The following TPCN1 variants were observed in gnomAD, a reference collection of about 807,000 sequenced individuals.
TPCN1 encodes the protein two pore segment channel 1, also known as two pore channel protein 1.
Under a neutral mutation model 108.8 loss-of-function variants are expected in TPCN1, and 52 were observed. The observed-to-expected ratio is 0.48, with a 90% CI of 0.38 to 0.60. TPCN1 has a LOEUF of 0.60. Among genes scored for constraint, TPCN1 ranks in the 20% least tolerant of loss-of-function variants. TPCN1 has a pLI of 0.00. For synonymous variants in TPCN1, 446 were observed against 433.7 expected (o/e 1.03, Z -0.35); for missense variants, 806 against 1,072.8 (o/e 0.75, Z 3.47).
rs192329797 is a variant in TPCN1 at position 113,273,201 on chromosome 12, C to G, written c.784-31C>G. 1,108 of 1,611,526 alleles carry G rather than the reference C, an allele frequency of 6.9e-4. 7 individuals are homozygous for G. In the East Asian group the frequency reaches 0.022, roughly 31 times the overall value. ...TGATGGCCGTGTGCTCTTGGCTGGT[C>G]CCGACTTCTCTGCCCTCTCTTCCCT... On this transcript the variant is annotated intron_variant, in intron 8 of 27. Transcript: ENST00000335509. The surrounding 1 kb of genome is among the most constrained non-coding windows in gnomAD (Gnocchi z 4.0).
intron 15 of TPCN1, among the ~76,000 whole-genome samples, chr12:113,283,193 A>G (rs1041825982): frequency 1.3e-5 from 2 of 152,252 alleles, no homozygotes; most frequent in African/African-American, 4.8e-5. Flanking sequence ...ACAGTGGGCA[A>G]CTTTTATGTA....
In TPCN1 at chr12:113,287,102, G is replaced by A. The variant is rs181254932; in HGVS notation, c.1634+8G>A. 6.2e-7 allele frequency: 1 copy of A among 1,605,302 alleles called. No individual in the cohort carries two copies. Among genetic ancestry groups the A allele is most frequent in the Non-Finnish European group, 8.5e-7 (1 of 1,172,732 alleles). ...CCCCCTCCAGCTGCTGAGGTGATGG[G>A]CAGGGCAGAGCCGGAGACAGGGAGA... On this transcript the variant is annotated splice_region_variant and intron_variant, in intron 19 of 27. Coordinates refer to ENST00000335509, the MANE Select transcript of TPCN1 (RefSeq NM_017901.6).
intron 2 of TPCN1, among the ~76,000 whole-genome samples, chr12:113,242,067 C>A (rs529574088): frequency 6.6e-6 from 1 of 152,226 alleles, no homozygotes; most frequent in East Asian, 1.9e-4. Context: ...GGGGGGCATG[C>A]TGTAGGGACA....
In TPCN1 at chr12:113,224,541, C is replaced by G. The variant is rs552696470; in HGVS notation, c.-125-2187C>G. Among the ~76,000 whole-genome samples, 6 of 152,022 alleles carry G rather than the reference C, an allele frequency of 3.9e-5. No homozygotes were observed. The East Asian group carries it at 1.2e-3, about 29-fold the overall frequency. On this transcript the variant is annotated intron_variant, in intron 1 of 27. Coordinates refer to ENST00000335509, the MANE Select transcript of TPCN1 (RefSeq NM_017901.6). ...CCTCCTGAGCAGCTGGGACTACAGG[C>G]GTCTGCCACCACGCCCGGCTAATTT...
In TPCN1 at chr12:113,272,069, A is replaced by G. The variant is rs1461154313; in HGVS notation, c.749-589A>G. On this transcript the variant is annotated intron_variant, in intron 7 of 27. Coordinates refer to ENST00000335509, the MANE Select transcript of TPCN1 (RefSeq NM_017901.6). This position sits in a 1 kb window ranked among gnomAD's most constrained non-coding sequence, Gnocchi z 4.1. ...TGAGTCATGGCTCTCACTTCCTCCC[A>G]CCCACCACCCCACTCTTGGTAGAAT... 2.0e-5 allele frequency among the ~76,000 whole-genome samples: 3 copies of G among 151,148 alleles called. No individual in the cohort carries two copies. The highest frequency in any genetic ancestry group is 4.4e-5 in the Non-Finnish European group (3 of 67,782).
At position 113,294,941 on chromosome 12, in the gene TPCN1, C is replaced by T. The variant is rs116309561; in HGVS notation, c.2335-1019C>T. On this transcript the variant is annotated intron_variant, in intron 27 of 27. Transcript: ENST00000335509. Reference sequence around the variant, plus strand: ...ACAACCAGGGTCCATGCCTGAAAAGCGGGGGGTGCTGTCCCCAAAGCAGCT... The same window carrying T: ...ACAACCAGGGTCCATGCCTGAAAAGTGGGGGGTGCTGTCCCCAAAGCAGCT... Among the ~76,000 whole-genome samples, 390 of 152,268 alleles carry T rather than the reference C, an allele frequency of 2.6e-3. 3 individuals carry two copies. The highest frequency in any genetic ancestry group is 9.0e-3 in the African/African-American group (376 of 41,568).
chr12:113,256,736 G>A (rs1039626946), intron 2 of TPCN1, among the ~76,000 whole-genome samples: 5 of 152,032 alleles, frequency 3.3e-5, no homozygotes, highest in South Asian at 4.1e-4. Context: ...ATCTCACTGC[G>A]TTGCCCAGGT....
intron 2 of TPCN1, among the ~76,000 whole-genome samples, chr12:113,250,398 T>C (rs1044323008): frequency 3.9e-5 from 6 of 152,236 alleles, no homozygotes; most frequent in Non-Finnish European, 8.8e-5. Flanking sequence ...GTTCAGCTGC[T>C]CACTGGCTGG....
In TPCN1 at chr12:113,292,212, A is replaced by G. The variant is rs1057390378; in HGVS notation, c.2113+254A>G. The G allele has an allele frequency of 4.2e-6, 2 of 481,004 alleles. 1 individual carries two copies. The highest frequency in any genetic ancestry group is 1.2e-3 in the Middle Eastern group (2 of 1,728). 29.8% of individuals were successfully genotyped at this position (481,004 alleles called of 1,614,324 possible). ...GTTGGAGAAAAATCAAGAAGTAGAGAAAGGCTTATGTGGCAGCAGCAGCCC... is the reference window on the plus strand; with the variant it reads ...GTTGGAGAAAAATCAAGAAGTAGAGGAAGGCTTATGTGGCAGCAGCAGCCC... On this transcript the variant is annotated intron_variant, in intron 25 of 27. Coordinates refer to ENST00000335509, the MANE Select transcript of TPCN1 (RefSeq NM_017901.6).
chr12:113,227,834 A>C (rs1309895023), intron 2 of TPCN1, among the ~76,000 whole-genome samples: 2 of 152,172 alleles, frequency 1.3e-5, no homozygotes, highest in African/African-American at 4.8e-5. Context: ...GGGAGAATTC[A>C]GTTGAGTTGC....
chr12:113,279,622 T>G (rs1955822367), intron 14 of TPCN1, among the ~76,000 whole-genome samples: 1 of 151,348 alleles, frequency 6.6e-6, no homozygotes, highest in Non-Finnish European at 1.5e-5. Flanking sequence ...GCCAGGCTGA[T>G]CTTGAACTCC....
At chr12:113,291,817 G>A (rs1956278844) in intron 24 of TPCN1, 57 bp from the exon 25 acceptor site, 10 of 1,565,452 alleles carry the variant, frequency 6.4e-6, no homozygotes, top group Middle Eastern at 1.7e-4. Flanking sequence ...GCGCAGCCAC[G>A]GACACCTACC....
chr12:113,223,435 C>CTTCTTTTTTTTTTTTTT (rs1953340148), intron 1 of TPCN1, among the ~76,000 whole-genome samples: 1 of 120,294 alleles, frequency 8.3e-6, no homozygotes, highest in African/African-American at 3.1e-5. Flanking sequence ...TCTGCTGAGT[C>CTTCTTTTTTTTTTTTTT]TTTTTTTTTT....
In TPCN1 at chr12:113,289,487, C is replaced by CTTTAGGAACCACTGGAA. The variant is rs1956196292; in HGVS notation, c.1796+640_1797-640insTTTAGGAACCACTGGAA. Among the ~76,000 whole-genome samples, 1 of 152,276 alleles carries CTTTAGGAACCACTGGAA rather than the reference C, an allele frequency of 6.6e-6. No homozygotes were observed. Among genetic ancestry groups the CTTTAGGAACCACTGGAA allele is most frequent in the Non-Finnish European group, 1.5e-5 (1 of 68,022 alleles). On this transcript the variant is annotated intron_variant, in intron 21 of 27. Transcript: ENST00000335509. This position sits in a 1 kb window ranked among gnomAD's most constrained non-coding sequence, Gnocchi z 4.1. ...GAACCAGAAGCCTATAGCAGTGGGT[C>CTTTAGGAACCACTGGAA]CCAGACTTTAGAGCCCATTGCAGTC...
Position 113,261,106 on chromosome 12 carries a change from C to T in TPCN1, c.237+614C>T, listed in dbSNP as rs967506906. On this transcript the variant is annotated intron_variant, in intron 3 of 27. Transcript: ENST00000335509. ...ACTCGGGAGGCTGAGACAGGAGAAT[C>T]GCATGAGATGGAGGTTGCAGTGAGC... Among the ~76,000 whole-genome samples, 6 of 152,134 alleles carry T rather than the reference C, an allele frequency of 3.9e-5. No homozygotes were observed. In the South Asian group the frequency reaches 6.2e-4, roughly 16 times the overall value.
chr12:113,288,423 A>T lies in TPCN1; in HGVS notation c.1706+189A>T, dbSNP rs1956162445. 1.3e-6 allele frequency: 2 copies of T among 1,482,820 alleles called. No homozygotes were observed. The highest frequency in any genetic ancestry group is 1.8e-6 in the Non-Finnish European group (2 of 1,118,782). 91.9% of individuals were successfully genotyped at this position (1,482,820 alleles called of 1,614,324 possible). ...TCCTGGGCACCATTTTTCTCCACTG[A>T]CCTGTCTGACATATTTAGTAGGGAG... On this transcript the variant is annotated intron_variant, in intron 20 of 27. Transcript: ENST00000335509. This position sits in a 1 kb window ranked among gnomAD's most constrained non-coding sequence, Gnocchi z 4.8.
intron 27 of TPCN1, 139 bp from the exon 28 acceptor site, chr12:113,295,821 G>T (rs1259360071): frequency 6.6e-6 from 6 of 906,150 alleles, no homozygotes; most frequent in East Asian, 2.7e-5. Flanking sequence ...GGCCTGTGAC[G>T]GGGGTTTCAG....
In TPCN1 at chr12:113,295,968, T is replaced by C; in HGVS notation, c.2343T>C (p.Tyr781=). 1 of 1,604,886 alleles carries C rather than the reference T, an allele frequency of 6.2e-7. No individual in the cohort carries two copies. The highest frequency in any genetic ancestry group is 8.5e-7 in the Non-Finnish European group (1 of 1,176,486). The change falls in exon 28 of 28, where the codon TAT becomes TAC. Residue 781 remains tyrosine, a synonymous_variant. Coordinates refer to ENST00000335509, the MANE Select transcript of TPCN1 (RefSeq NM_017901.6). ...TCTGCTCTCTTCTCCAGGAGTGGTA[T>C]GAGGAGCATGCCAGGGAGCAAGAGC... ...KMYQEEIQEW[Y]EEHAREQEQQ... is the part of the protein sequence containing the mutation.
chr12:113,248,734 G>C (rs553774301), intron 2 of TPCN1, among the ~76,000 whole-genome samples: 1 of 152,272 alleles, frequency 6.6e-6, no homozygotes, highest in Non-Finnish European at 1.5e-5. Context: ...AGGGAGGCTG[G>C]GGCACGTTTG....
Sources: allele counts gnomAD v4.1 joint callset (sites outside exome capture counted in the v4.1 genomes callset), GRCh38; gene constraint gnomAD v4.1.1; non-coding constraint Gnocchi (gnomAD v3.1); transcripts MANE v1.5; gene names NCBI Gene and HGNC (gene_info 2026-07-23, HGNC 2026-07-21).